The following IDUA variants were observed in gnomAD, a reference collection of about 807,000 sequenced individuals.
IDUA encodes alpha-L-iduronidase.
A neutral mutation model predicts 68.9 loss-of-function variants in IDUA; 65 were observed. That is an observed-to-expected ratio of 0.94 (90% CI 0.77 to 1.16). The LOEUF is 1.16. Ranked by LOEUF, IDUA falls within the 50% of genes most tolerant of loss-of-function variation. The pLI is 0.00. For synonymous variants in IDUA, 529 were observed against 433.6 expected, an observed-to-expected ratio of 1.22 and a Z score of -2.73; for missense variants, 1,046 against 938.0, an observed-to-expected ratio of 1.12 and a Z score of -1.50.
chr4:990,240 G>T, intron 2 of IDUA: 1 of 1,581,286 alleles, frequency 6.3e-7, no homozygotes, highest in East Asian at 2.3e-5. Flanking sequence ...GGATCCGCAC[G>T]CCCAGCAGGT....
chr4:990,322 T>C (rs746034907), intron 2 of IDUA: 6 of 1,604,414 alleles, frequency 3.7e-6, no homozygotes, highest in South Asian at 1.1e-5. Context: ...CTGTGAGAGG[T>C]AGGCGGACAC....
At chr4:998,448 G>A (rs4690222) in intron 2 of IDUA, among the ~76,000 whole-genome samples, 90,831 of 152,014 alleles carry the variant, frequency 0.6, 27,427 homozygotes, top group Middle Eastern at 0.75. Flanking sequence ...CTGCAGATGC[G>A]GCACAAAGCC....
rs1560536280 is a variant in IDUA, at chr4:990,112, G to A, written c.299+2163G>A. 5.0e-6 allele frequency: 8 copies of A among 1,585,304 alleles called. No homozygotes were observed. The East Asian group carries it at 1.8e-4, about 37-fold the overall frequency. The stretch of plus-strand genomic sequence containing the variant: ...GTAGCGGTCTGAGAGCTCCTTCGCG[G>A]CTAGCAGCACCGCCAGGCACACCGT... On this transcript the variant is annotated intron_variant, in intron 2 of 13. Transcript: ENST00000514224.
At chr4:988,501 CG>C in intron 2 of IDUA, 1 of 1,145,540 alleles carries the variant, frequency 8.7e-7, no homozygotes, top group Non-Finnish European at 1.1e-6. Context: ...TGCATGATGG[CG>C]GGGGACCCTT....
At chr4:1,003,199 G>A in intron 10 of IDUA, 42 bp downstream of exon 10, 2 of 1,299,156 alleles carry the variant, frequency 1.5e-6, no homozygotes, top group Non-Finnish European at 1.9e-6. Flanking sequence ...GCCGGGCCGG[G>A]GTCCCGGGGG....
chr4:987,294 G>GGT, intron 1 of IDUA, 52 bp downstream of exon 1: 1 of 1,481,060 alleles, frequency 6.8e-7, no homozygotes, highest in East Asian at 2.7e-5. Context: ...GAGAGCTCGG[G>GGT]CGCCCCCTGA....
chr4:989,738 T>C, intron 2 of IDUA: 1 of 1,557,514 alleles, frequency 6.4e-7, no homozygotes, highest in Non-Finnish European at 8.7e-7. Flanking sequence ...ACCAGGCTCT[T>C]GGCCAGGGCG....
At chr4:1,003,955 C>T in intron 12 of IDUA, 57 bp from the exon 13 acceptor site, 2 of 1,418,164 alleles carry the variant, frequency 1.4e-6, no homozygotes. Flanking sequence ...GCCCTGCCTG[C>T]TCCCACCTTT....
intron 2 of IDUA, among the ~76,000 whole-genome samples, chr4:996,184 C>A (rs932082272): frequency 6.6e-6 from 1 of 152,250 alleles, no homozygotes; most frequent in Non-Finnish European, 1.5e-5. Context: ...GTTTGCTCAG[C>A]AGTTGGGAGC....
chr4:1,001,171 G>T, intron 4 of IDUA, 182 bp downstream of exon 4: 1 of 628,030 alleles, frequency 1.6e-6, no homozygotes, highest in Admixed American at 2.6e-5. Context: ...GGGGCCCCAG[G>T]CTGGGGGGTA....
Position 1,002,101 on chromosome 4 carries a change from G to T in IDUA, c.912G>T (p.Val304=). 1 of 1,574,536 alleles carries T rather than the reference G, an allele frequency of 6.4e-7. No individual in the cohort carries two copies. Among genetic ancestry groups the T allele is most frequent in the Non-Finnish European group, 8.6e-7 (1 of 1,161,048 alleles). The part of the protein sequence containing the change: ...PIYNDEADPL[V]GWSLPQPWRA... ...ACAACGACGAGGCGGACCCGCTGGT[G>T]GGCTGGTCCCTGCCACAGCCGTGGA... Residue 304 remains valine, a synonymous_variant, in exon 7 of 14, where the codon GTG becomes GTT. Coordinates refer to ENST00000514224, the MANE Select transcript of IDUA (RefSeq NM_000203.5).
At chr4:998,724 C>T (rs557207832) in intron 2 of IDUA, among the ~76,000 whole-genome samples, 6 of 152,266 alleles carry the variant, frequency 3.9e-5, no homozygotes, top group African/African-American at 1.2e-4. Flanking sequence ...TCACTCCAAG[C>T]TCATCCACCC....
At chr4:1,002,608 C>A (rs922809603) in intron 8 of IDUA, 123 bp downstream of exon 8, 6 of 1,171,204 alleles carry the variant, frequency 5.1e-6, no homozygotes, top group South Asian at 1.8e-5. Flanking sequence ...TCGGCCTCCG[C>A]GTGGCGGGGC....
At chr4:1,003,492 C>A (rs372062525) in intron 11 of IDUA, 22 bp downstream of exon 11, 1 of 1,591,786 alleles carries the variant, frequency 6.3e-7, no homozygotes, top group Admixed American at 1.7e-5. Context: ...TCCCCTAACC[C>A]GCGCCGCGGC....
intron 6 of IDUA, 29 bp from the exon 7 acceptor site, chr4:1,001,953 T>C (rs776862740): frequency 1.3e-6 from 2 of 1,573,968 alleles, no homozygotes; most frequent in Non-Finnish European, 1.7e-6. Context: ...GCGCTGACCC[T>C]GGTGGTGCTG....
chr4:1,000,490 G>A lies in IDUA; in HGVS notation c.300-122G>A, dbSNP rs552960864. 6.4e-5 allele frequency: 50 copies of A among 786,950 alleles called. 1 individual carries two copies. Among genetic ancestry groups the A allele is most frequent in the South Asian group, 1.4e-4 (10 of 70,108 alleles). 48.7% of individuals were successfully genotyped at this position (786,950 alleles called of 1,614,324 possible). On this transcript the variant is annotated intron_variant, in intron 2 of 13. Coordinates refer to ENST00000514224, the MANE Select transcript of IDUA (RefSeq NM_000203.5). ...AAGGGGAAGGGCCCCTCGGGAAGCC[G>A]GGATCGGAGTCCTGTGTGGCACCTT...
chr4:998,007 T>C (rs1714845807), intron 2 of IDUA, among the ~76,000 whole-genome samples: 1 of 152,260 alleles, frequency 6.6e-6, no homozygotes, highest in Non-Finnish European at 1.5e-5. Flanking sequence ...CAGGTCACCG[T>C]GCCCCGCTAC....
chr4:1,004,443 T>G lies in IDUA; in HGVS notation c.*50T>G. The G allele has an allele frequency of 6.3e-7, 1 of 1,598,568 alleles. No homozygotes were observed. Among genetic ancestry groups the G allele is most frequent in the Non-Finnish European group, 8.5e-7 (1 of 1,174,028 alleles). ...GCACCTCCACCGGCAGTCAGCGAGC[T>G]GGGGCTGCACTGTGCCCATGCTGCC... On this transcript the variant is annotated 3_prime_UTR_variant, in exon 14 of 14. Coordinates refer to ENST00000514224, the MANE Select transcript of IDUA (RefSeq NM_000203.5). The surrounding 1 kb of genome is among the most constrained non-coding windows in gnomAD (Gnocchi z 5.0).
At position 1,003,640 on chromosome 4, in the gene IDUA, C is replaced by A. The variant is rs1292629660; in HGVS notation, c.1727+15C>A. The A allele has an allele frequency of 6.2e-7, 1 of 1,612,036 alleles. No homozygotes were observed. Among genetic ancestry groups the A allele is most frequent in the South Asian group, 1.1e-5 (1 of 91,060 alleles). ...GTGGGCTCCAAGTGCGTGAGTGGGGCCGCCCCTCCCTCTGCCTGGTCCTAG... is the reference window on the plus strand; with the variant it reads ...GTGGGCTCCAAGTGCGTGAGTGGGGACGCCCCTCCCTCTGCCTGGTCCTAG... On this transcript the variant is annotated intron_variant, in intron 12 of 13. Coordinates refer to ENST00000514224, the MANE Select transcript of IDUA (RefSeq NM_000203.5).
Sources: gnomAD v4.1 joint callset for allele counts (sites outside exome capture counted in the v4.1 genomes callset) on GRCh38, gnomAD v4.1.1 for gene constraint, Gnocchi (gnomAD v3.1) non-coding constraint, MANE v1.5 for transcripts, NCBI Gene and HGNC (gene_info 2026-07-23, HGNC 2026-07-21) for gene names.